Variants in TBL1XR1 observed in about 807,000 individuals in gnomAD.
TBL1XR1 encodes the protein TBL1X/Y related 1, also known as F-box-like/WD repeat-containing protein TBL1XR1.
A neutral mutation model predicts 66.9 loss-of-function variants in TBL1XR1; 5 were observed. That is an observed-to-expected ratio of 0.07 (90% CI 0.04 to 0.16). TBL1XR1 has a LOEUF of 0.16. TBL1XR1 is among the 10% of genes least tolerant of loss of function. The pLI, the probability that TBL1XR1 is intolerant of heterozygous loss-of-function variation, is 1.00. For missense variants in TBL1XR1, 238 were observed against 623.2 expected, an observed-to-expected ratio of 0.38 and a Z score of 6.58; for synonymous variants, 210 against 206.0, an observed-to-expected ratio of 1.02 and a Z score of -0.17.
chr3:177,087,527 T>C (rs746078063), intron 2 of TBL1XR1, among the ~76,000 whole-genome samples: 5 of 152,126 alleles, frequency 3.3e-5, no homozygotes, highest in Non-Finnish European at 5.9e-5. Flanking sequence ...TGGTGAAGGA[T>C]TTCTGTTTCT....
At chr3:177,187,091 C>T (rs1430459074) in intron 1 of TBL1XR1, among the ~76,000 whole-genome samples, 6 of 150,460 alleles carry the variant, frequency 4.0e-5, no homozygotes, top group East Asian at 3.9e-4. Flanking sequence ...GGCATGAACC[C>T]GGGAGGCGGA....
At chr3:177,193,122 C>T (rs1285475800) in intron 1 of TBL1XR1, among the ~76,000 whole-genome samples, 1 of 151,570 alleles carries the variant, frequency 6.6e-6, no homozygotes, top group Admixed American at 6.6e-5. Flanking sequence ...CACTGCACTC[C>T]AGCCTGGGCA....
At position 177,184,631 on chromosome 3, in the gene TBL1XR1, G is replaced by A. The variant is rs149546374; in HGVS notation, c.-122+12490C>T. 2.0e-3 allele frequency among the ~76,000 whole-genome samples: 302 copies of A among 152,042 alleles called. 3 individuals are homozygous for A. Among genetic ancestry groups the A allele is most frequent in the African/African-American group, 6.5e-3 (271 of 41,464 alleles). ...AGCTTGTCCAACATGGTGAAATCCC[G>A]TCTCTACTAAAAATACAAAATTAGC... On this transcript the variant is annotated intron_variant, in intron 1 of 15. Transcript: ENST00000457928.
intron 1 of TBL1XR1, among the ~76,000 whole-genome samples, chr3:177,148,906 A>C (rs544793986): frequency 6.6e-6 from 1 of 152,008 alleles, no homozygotes; most frequent in South Asian, 2.1e-4. Flanking sequence ...CGGGAGGCTA[A>C]GGCAGGAGAA....
At chr3:177,174,055 C>T (rs1012310115) in intron 1 of TBL1XR1, among the ~76,000 whole-genome samples, 9 of 152,020 alleles carry the variant, frequency 5.9e-5, no homozygotes, top group African/African-American at 2.2e-4. Context: ...CTACTTATAC[C>T]AATCGATTTT....
chr3:177,119,458 TAAGTA>T (rs1726720101), intron 1 of TBL1XR1, among the ~76,000 whole-genome samples: 1 of 152,162 alleles, frequency 6.6e-6, no homozygotes, highest in Admixed American at 6.5e-5. Flanking sequence ...TTTGTTTAGA[TAAGTA>T]AATAGACATG....
chr3:177,150,316 A>T (rs1378452928), intron 1 of TBL1XR1, among the ~76,000 whole-genome samples: 1 of 152,210 alleles, frequency 6.6e-6, no homozygotes. Flanking sequence ...GGTGTCAAAG[A>T]AGTTGATATT....
At chr3:177,050,334 A>G (rs936654515) in intron 6 of TBL1XR1, 144 bp downstream of exon 6, 9 of 1,257,532 alleles carry the variant, frequency 7.2e-6, no homozygotes, top group Non-Finnish European at 9.7e-6. Context: ...AAAATTCTAC[A>G]ATTACTTCAT....
At chr3:177,182,961 A>AT (rs572215599) in intron 1 of TBL1XR1, among the ~76,000 whole-genome samples, 139 of 152,230 alleles carry the variant, frequency 9.1e-4, no homozygotes, top group African/African-American at 3.1e-3. Flanking sequence ...AGCTGTTCAG[A>AT]TTTTCCCTCC....
intron 2 of TBL1XR1, among the ~76,000 whole-genome samples, chr3:177,084,235 T>A (rs1201287): frequency 4.6e-5 from 7 of 152,358 alleles, no homozygotes; most frequent in African/African-American, 9.6e-5. Context: ...ACATTGCCAA[T>A]GCCTTAGAAA....
chr3:177,106,381 C>T (rs773013058), intron 1 of TBL1XR1, among the ~76,000 whole-genome samples: 3 of 152,204 alleles, frequency 2.0e-5, no homozygotes, highest in Non-Finnish European at 2.9e-5. Flanking sequence ...GTTTGTTCTA[C>T]GTGCGCCCCA....
chr3:177,134,661 T>C (rs1728688745), intron 1 of TBL1XR1, among the ~76,000 whole-genome samples: 1 of 152,148 alleles, frequency 6.6e-6, no homozygotes, highest in Non-Finnish European at 1.5e-5. Context: ...TAAGAGACTC[T>C]GTTCCTTAAA....
chr3:177,131,162 C>G (rs930896012), intron 1 of TBL1XR1, among the ~76,000 whole-genome samples: 1 of 152,152 alleles, frequency 6.6e-6, no homozygotes, highest in Non-Finnish European at 1.5e-5. Context: ...ATATTGAGAA[C>G]TTCTTCAGCA....
intron 3 of TBL1XR1, among the ~76,000 whole-genome samples, chr3:177,063,025 T>C (rs545934346): frequency 6.6e-6 from 1 of 151,752 alleles, no homozygotes; most frequent in Admixed American, 6.6e-5. Context: ...TCCCAGCTAC[T>C]TGGGAGGCTG....
At chr3:177,084,328 A>G (rs1721861511) in intron 2 of TBL1XR1, among the ~76,000 whole-genome samples, 1 of 152,142 alleles carries the variant, frequency 6.6e-6, no homozygotes, top group South Asian at 2.1e-4. Context: ...TTTCCCTTTC[A>G]TAACTTCGTT....
At chr3:177,135,377 A>ATG (rs774071707) in intron 1 of TBL1XR1, among the ~76,000 whole-genome samples, 2 of 30,210 alleles carry the variant, frequency 6.6e-5, no homozygotes, top group Admixed American at 3.4e-4. Flanking sequence ...ATATATATAT[A>ATG]TATATGTATG....
In TBL1XR1 at chr3:177,122,447, C is replaced by A. The variant is rs75306481; in HGVS notation, c.-121-23906G>T. On this transcript the variant is annotated intron_variant, in intron 1 of 15. Transcript: ENST00000457928. ...ACCCTGAAAATTGCAAAGTAATGAC[C>A]GAAATCCCTTAACATTATCATGAGA... Among the ~76,000 whole-genome samples the A allele has an allele frequency of 5.0e-3, 762 of 152,034 alleles. 7 individuals carry two copies. The highest frequency in any genetic ancestry group is 0.017 in the Middle Eastern group (5 of 294).
In TBL1XR1 at chr3:177,146,671, A is replaced by G. The variant is rs192324061; in HGVS notation, c.-121-48130T>C. On this transcript the variant is annotated intron_variant, in intron 1 of 15. Transcript: ENST00000457928. ...AATTCTAAATAACAGGAAGCTATCA[A>G]GCTCACAGTATCTAATAATTTTCCA... 4.6e-5 allele frequency among the ~76,000 whole-genome samples: 7 copies of G among 151,932 alleles called. No homozygotes were observed. In the East Asian group the frequency reaches 1.4e-3, roughly 29 times the overall value.
intron 1 of TBL1XR1, chr3:177,196,215 T>C (rs972323834): frequency 6.6e-6 from 1 of 152,100 alleles, no homozygotes; most frequent in Non-Finnish European, 1.5e-5. Context: ...TCCACTTAAA[T>C]AAAAGTCTGC....
Sources: allele counts gnomAD v4.1 joint callset (sites outside exome capture counted in the v4.1 genomes callset), GRCh38; gene constraint gnomAD v4.1.1; transcripts MANE v1.5; gene names NCBI Gene and HGNC (gene_info 2026-07-23, HGNC 2026-07-21).